TMEM108: variants seen among roughly 807,000 people sequenced by gnomAD.
TMEM108 encodes cancer/testis antigen 124.
Under a neutral mutation model 35.1 loss-of-function variants are expected in TMEM108, and 12 were observed. The observed-to-expected ratio is 0.34, with a 90% CI of 0.22 to 0.55. The LOEUF (loss-of-function observed/expected upper bound fraction) is 0.55. Among genes scored for constraint, TMEM108 ranks in the 20% least tolerant of loss-of-function variants. The probability of loss-of-function intolerance (pLI) is 0.89; values close to 1 mark genes in which losing one functional copy is unlikely to be tolerated. For missense variants in TMEM108, 680 were observed against 753.3 expected (o/e 0.90, Z 1.14); for synonymous variants, 287 against 308.6 (o/e 0.93, Z 0.73).
At chr3:133,059,817 G>A (rs1576297043) in intron 2 of TMEM108, among the ~76,000 whole-genome samples, 2 of 152,228 alleles carry the variant, frequency 1.3e-5, no homozygotes, top group African/African-American at 4.8e-5. Context: ...CCCCTGGCCA[G>A]ATCATTTTTT....
At chr3:133,121,104 T>C (rs1449686665) in intron 2 of TMEM108, 1 of 152,238 alleles carries the variant, frequency 6.6e-6, no homozygotes, top group Non-Finnish European at 1.5e-5. Context: ...GGTTAAGGAC[T>C]GTACAGCACT....
intron 3 of TMEM108, among the ~76,000 whole-genome samples, chr3:133,350,716 C>T (rs1708356): frequency 0.5 from 76,678 of 151,884 alleles, 20,870 homozygotes; most frequent in East Asian, 0.86. Flanking sequence ...TAAGATTCGG[C>T]AGTAATTCCA....
intron 2 of TMEM108, among the ~76,000 whole-genome samples, chr3:133,181,008 TAAAAAAAAAAAA>T (rs369228472): frequency 1.3e-4 from 10 of 75,852 alleles, no homozygotes; most frequent in Middle Eastern, 9.8e-3. Context: ...GCAGTTGTGT[TAAAAAAAAAAAA>T]AAAAAAAAAA....
At chr3:133,229,406 TG>T (rs1191570056) in intron 3 of TMEM108, 55 bp downstream of exon 3, 9 of 1,575,750 alleles carry the variant, frequency 5.7e-6, no homozygotes, top group Non-Finnish European at 6.1e-6. Context: ...TATTATTTGC[TG>T]GGTACCCACA....
At chr3:133,067,156 A>G (rs73003673) in intron 2 of TMEM108, among the ~76,000 whole-genome samples, 10,832 of 152,170 alleles carry the variant, frequency 0.071, 1,320 homozygotes, top group African/African-American at 0.25. Context: ...TAGAATTACC[A>G]ATTTGTTGTG....
chr3:133,041,156 TGAG>T (rs893433311), intron 1 of TMEM108, among the ~76,000 whole-genome samples: 1 of 152,172 alleles, frequency 6.6e-6, no homozygotes, highest in Admixed American at 6.5e-5. Context: ...TTTGGATCCT[TGAG>T]GAGGCATTTC....
chr3:133,377,754 G>A (rs115979064), intron 3 of TMEM108, among the ~76,000 whole-genome samples: 2,580 of 152,332 alleles, frequency 0.017, 73 homozygotes, highest in African/African-American at 0.055. Flanking sequence ...GGCCTGTTAG[G>A]AACCAGGCTG....
At chr3:133,115,487 C>T (rs1428667515) in intron 2 of TMEM108, among the ~76,000 whole-genome samples, 1 of 152,140 alleles carries the variant, frequency 6.6e-6, no homozygotes, top group Non-Finnish European at 1.5e-5. Flanking sequence ...AGAGGTGACT[C>T]CTTTCATAAA....
At chr3:133,045,267 C>T (rs923521129) in intron 1 of TMEM108, among the ~76,000 whole-genome samples, 15 of 152,120 alleles carry the variant, frequency 9.9e-5, no homozygotes, top group Admixed American at 3.9e-4. Context: ...CGCACCTGGT[C>T]CTTTTGAGTC....
intron 3 of TMEM108, among the ~76,000 whole-genome samples, chr3:133,238,198 A>G (rs995081863): frequency 1.7e-4 from 26 of 152,286 alleles, no homozygotes; most frequent in African/African-American, 6.3e-4. Flanking sequence ...TACTCTGTCC[A>G]CCACAAAATA....
chr3:133,044,377 C>T (rs1262184774), intron 1 of TMEM108, among the ~76,000 whole-genome samples: 2 of 152,120 alleles, frequency 1.3e-5, no homozygotes, highest in Admixed American at 1.3e-4. Context: ...AGAAATTGTA[C>T]CTGGTACCCA....
In TMEM108 at chr3:133,132,402, A is replaced by G. The variant is rs533754993; in HGVS notation, c.-47+86382A>G. ...CATTCTAAAAGTTCTAAGGTCCTTA[A>G]GAATGATGCTAAACTATTATTGCCT... is the stretch of plus-strand genomic sequence containing the variant. On this transcript the variant is annotated intron_variant, in intron 2 of 5. Coordinates refer to ENST00000321871, the MANE Select transcript of TMEM108 (RefSeq NM_023943.4). Among the ~76,000 whole-genome samples the G allele has an allele frequency of 1.1e-4, 16 of 152,354 alleles. No homozygotes were observed. In the South Asian group the frequency reaches 2.7e-3, roughly 26 times the overall value.
chr3:133,216,263 C>T (rs1454125246), intron 2 of TMEM108, among the ~76,000 whole-genome samples: 1 of 152,054 alleles, frequency 6.6e-6, no homozygotes, highest in Non-Finnish European at 1.5e-5. Flanking sequence ...TGACTCAGTG[C>T]AAGTGATATA....
chr3:133,112,230 A>G (rs1290314684), intron 2 of TMEM108, among the ~76,000 whole-genome samples: 1 of 152,162 alleles, frequency 6.6e-6, no homozygotes, highest in Non-Finnish European at 1.5e-5. Context: ...CAGGAACAAA[A>G]TGACTCTGGG....
At chr3:133,151,334 G>A (rs967708222) in intron 2 of TMEM108, among the ~76,000 whole-genome samples, 44 of 152,120 alleles carry the variant, frequency 2.9e-4, no homozygotes, top group African/African-American at 8.9e-4. Flanking sequence ...ATAACTTGTC[G>A]AATGAGTGGA....
intron 3 of TMEM108, among the ~76,000 whole-genome samples, chr3:133,334,146 T>G (rs1478038755): frequency 6.6e-6 from 1 of 152,164 alleles, no homozygotes; most frequent in South Asian, 2.1e-4. Flanking sequence ...AGTGAGTTTC[T>G]GCAAGTTGTT....
chr3:133,121,477 C>T (rs897087180), intron 2 of TMEM108, among the ~76,000 whole-genome samples: 2 of 152,126 alleles, frequency 1.3e-5, no homozygotes, highest in African/African-American at 4.8e-5. Flanking sequence ...TTTGCTATAG[C>T]TAAAAGGGAA....
intron 3 of TMEM108, among the ~76,000 whole-genome samples, chr3:133,360,930 C>A (rs996156959): frequency 1.3e-5 from 2 of 152,070 alleles, no homozygotes; most frequent in African/African-American, 4.8e-5. Context: ...ATGGTAAAAA[C>A]AAACAAAAAA....
intron 4 of TMEM108, chr3:133,387,013 T>A: frequency 2.0e-6 from 2 of 985,828 alleles, no homozygotes; most frequent in Non-Finnish European, 2.4e-6. Flanking sequence ...ACCCTGTAAG[T>A]CTGACTTGTA....
Sources: allele counts gnomAD v4.1 joint callset (sites outside exome capture counted in the v4.1 genomes callset), GRCh38; gene constraint gnomAD v4.1.1; transcripts MANE v1.5; gene names NCBI Gene and HGNC (gene_info 2026-07-23, HGNC 2026-07-21).